The following NCAM2 variants were observed in gnomAD, a reference collection of about 807,000 sequenced individuals.
NCAM2 encodes N-CAM-2.
Under a neutral mutation model 98.1 loss-of-function variants are expected in NCAM2, and 30 were observed. The observed-to-expected ratio is 0.31, with a 90% CI of 0.23 to 0.41. The LOEUF (loss-of-function observed/expected upper bound fraction) is 0.41, where lower values mean the gene tolerates loss of function less well. NCAM2 is among the 10% of genes least tolerant of loss of function. The pLI is 1.00. For missense variants in NCAM2, 867 were observed against 1,005.8 expected, an observed-to-expected ratio of 0.86 and a Z score of 1.87; for synonymous variants, 368 against 342.4, an observed-to-expected ratio of 1.07 and a Z score of -0.83.
intron 1 of NCAM2, among the ~76,000 whole-genome samples, chr21:21,226,182 G>T (rs1213780951): frequency 6.6e-6 from 1 of 151,964 alleles, no homozygotes; most frequent in Non-Finnish European, 1.5e-5. Context: ...GGAGGCAAAG[G>T]ATGAAAAACT....
chr21:21,194,836 G>A (rs1245211716), intron 1 of NCAM2, among the ~76,000 whole-genome samples: 1 of 152,084 alleles, frequency 6.6e-6, no homozygotes, highest in Non-Finnish European at 1.5e-5. Flanking sequence ...CACCACTCAT[G>A]TTGTACATAA....
chr21:21,151,784 T>C (rs2067456223), intron 1 of NCAM2, among the ~76,000 whole-genome samples: 1 of 152,042 alleles, frequency 6.6e-6, no homozygotes, highest in South Asian at 2.1e-4. Flanking sequence ...TGTTTTTAAA[T>C]CTGTTTCCAT....
chr21:20,999,542 A>T (rs561661104), intron 1 of NCAM2, among the ~76,000 whole-genome samples: 53 of 152,298 alleles, frequency 3.5e-4, no homozygotes, highest in African/African-American at 1.2e-3. Flanking sequence ...TTAATTAGGG[A>T]CACAAAATGC....
chr21:21,283,713 A>C (rs1015696248), intron 2 of NCAM2, among the ~76,000 whole-genome samples: 2 of 151,890 alleles, frequency 1.3e-5, no homozygotes, highest in African/African-American at 4.8e-5. Flanking sequence ...TGGTTTTGTG[A>C]AAGATTTACA....
At chr21:21,288,812 A>G (rs1040073505) in intron 4 of NCAM2, among the ~76,000 whole-genome samples, 5 of 151,974 alleles carry the variant, frequency 3.3e-5, no homozygotes, top group Admixed American at 3.3e-4. Flanking sequence ...ATTCAAAAGT[A>G]AAATATAGAT....
At chr21:21,077,858 G>A (rs1042616361) in intron 1 of NCAM2, among the ~76,000 whole-genome samples, 30 of 151,968 alleles carry the variant, frequency 2.0e-4, no homozygotes, top group African/African-American at 7.0e-4. Context: ...TACTCTCTCA[G>A]GGAAAAAATT....
chr21:21,034,970 G>C (rs1231563767), intron 1 of NCAM2, among the ~76,000 whole-genome samples: 2 of 152,138 alleles, frequency 1.3e-5, no homozygotes, highest in African/African-American at 4.8e-5. Context: ...AGGAAACCAG[G>C]AGGAGGATTT....
At chr21:21,037,845 T>A (rs1323505261) in intron 1 of NCAM2, among the ~76,000 whole-genome samples, 1 of 152,168 alleles carries the variant, frequency 6.6e-6, no homozygotes, top group East Asian at 1.9e-4. Flanking sequence ...TGAGTAAAAT[T>A]GGAACATACA....
chr21:21,057,765 C>G (rs2065241767), intron 1 of NCAM2, among the ~76,000 whole-genome samples: 1 of 152,108 alleles, frequency 6.6e-6, no homozygotes, highest in Admixed American at 6.6e-5. Context: ...TATTGACTAG[C>G]TAAAACGGGA....
intron 5 of NCAM2, among the ~76,000 whole-genome samples, chr21:21,314,612 A>AT (rs1334606462): frequency 6.6e-6 from 1 of 151,976 alleles, no homozygotes; most frequent in African/African-American, 2.4e-5. Flanking sequence ...ATTTCATGAC[A>AT]TTTTGGTAGT....
chr21:21,002,620 A>G (rs1330342846), intron 1 of NCAM2, among the ~76,000 whole-genome samples: 1 of 152,106 alleles, frequency 6.6e-6, no homozygotes, highest in Non-Finnish European at 1.5e-5. Flanking sequence ...TTGGGAAATC[A>G]TTGTAACTTA....
At chr21:21,174,525 A>C (rs1344969226) in intron 1 of NCAM2, among the ~76,000 whole-genome samples, 1 of 152,176 alleles carries the variant, frequency 6.6e-6, no homozygotes, top group Non-Finnish European at 1.5e-5. Context: ...TTTTTGCCAC[A>C]TGACTAGTGC....
chr21:21,172,555 A>AT (rs2068158665), intron 1 of NCAM2, among the ~76,000 whole-genome samples: 2 of 152,154 alleles, frequency 1.3e-5, no homozygotes, highest in African/African-American at 4.8e-5. Flanking sequence ...ATAACTATAT[A>AT]ATCACTTGAT....
At chr21:21,244,240 G>A (rs907635450) in intron 1 of NCAM2, among the ~76,000 whole-genome samples, 2 of 151,898 alleles carry the variant, frequency 1.3e-5, no homozygotes, top group Non-Finnish European at 2.9e-5. Context: ...ACTATAAAAG[G>A]AAACCTTTTG....
At chr21:21,077,544 A>C (rs2065705315) in intron 1 of NCAM2, among the ~76,000 whole-genome samples, 3 of 152,292 alleles carry the variant, frequency 2.0e-5, no homozygotes, top group African/African-American at 7.2e-5. Context: ...AACAAATTTT[A>C]TGTGCTCTAA....
intron 15 of NCAM2, among the ~76,000 whole-genome samples, chr21:21,487,198 A>G (rs1430324843): frequency 2.6e-5 from 4 of 152,134 alleles, no homozygotes; most frequent in Admixed American, 6.5e-5. Flanking sequence ...CTTTTATATT[A>G]TCTGAACAAT....
intron 15 of NCAM2, among the ~76,000 whole-genome samples, chr21:21,478,308 C>A (rs1985422824): frequency 6.6e-6 from 1 of 151,648 alleles, no homozygotes; most frequent in Admixed American, 6.6e-5. Flanking sequence ...ATGGTATATT[C>A]TTTATAGGTA....
In NCAM2 at chr21:21,280,616, C is replaced by A; in HGVS notation, c.94C>A (p.Leu32Ile). 1 of 1,601,202 alleles carries A rather than the reference C, an allele frequency of 6.2e-7. No homozygotes were observed. Among genetic ancestry groups the A allele is most frequent in the Non-Finnish European group, 8.5e-7 (1 of 1,175,042 alleles). Reference protein sequence around the residue: ...QVTISLSKVELSVGESKFFTC... With the variant: ...QVTISLSKVEISVGESKFFTC... ...GACAATTTCACTTAGCAAAGTAGAG[C>A]TTAGTGTTGGAGAATCTAAATTCTT... The change falls in exon 2 of 18, where the codon CTT (leucine) becomes ATT (isoleucine). Residue 32 changes from leucine (L) to isoleucine (I), a missense_variant. Transcript: ENST00000400546.
chr21:20,999,262 A>G (rs2063975421), intron 1 of NCAM2, among the ~76,000 whole-genome samples: 2 of 152,140 alleles, frequency 1.3e-5, no homozygotes, highest in South Asian at 2.1e-4. Context: ...TTAATACAGA[A>G]AGGTGGAATC....
Sources: allele counts gnomAD v4.1 joint callset (sites outside exome capture counted in the v4.1 genomes callset), GRCh38; gene constraint gnomAD v4.1.1; transcripts MANE v1.5; gene names NCBI Gene and HGNC (gene_info 2026-07-23, HGNC 2026-07-21).